Variants in PRAMEF19 observed in about 807,000 individuals in gnomAD.
PRAMEF19 encodes the protein PRAME family member 19.
PRAMEF19 carries 21 observed loss-of-function variants against 33.1 expected under a neutral mutation model. The observed-to-expected ratio is 0.63, with a 90% CI of 0.45 to 0.91. The LOEUF (loss-of-function observed/expected upper bound fraction) is 0.91. PRAMEF19 is among the 40% of genes least tolerant of loss of function. The pLI, the probability that PRAMEF19 is intolerant of heterozygous loss-of-function variation, is 0.00. For missense variants in PRAMEF19, 481 were observed against 585.2 expected, an observed-to-expected ratio of 0.82 and a Z score of 1.84; for synonymous variants, 179 against 229.3, an observed-to-expected ratio of 0.78 and a Z score of 1.98.
chr1:13,369,921 G>T (rs1640650716), intron 2 of PRAMEF19, among the ~76,000 whole-genome samples: 1 of 151,196 alleles, frequency 6.6e-6, no homozygotes, highest in Admixed American at 6.6e-5. Flanking sequence ...TCATCTCTGG[G>T]CCACAGGAGC....
exon 2 of PRAMEF19, chr1:13,371,026 A>G: frequency 6.2e-7 from 1 of 1,611,942 alleles, no homozygotes; most frequent in Admixed American, 1.7e-5. Flanking sequence ...AGAAGCTCAG[A>G]TCTTCATCCA....
chr1:13,370,812 G>C, exon 2 of PRAMEF19: 1 of 1,613,928 alleles, frequency 6.2e-7, no homozygotes, highest in East Asian at 2.2e-5. Flanking sequence ...AAGAGTTTTC[G>C]AAGATTCTTC....
exon 3 of PRAMEF19, chr1:13,369,462 C>T (rs1274212825): frequency 3.7e-6 from 6 of 1,613,844 alleles, no homozygotes; most frequent in Admixed American, 1.7e-5. Context: ...TGAAGAGTGG[C>T]AGCAACTTTC....
At chr1:13,369,565 G>T in exon 3 of PRAMEF19, 1 of 1,613,922 alleles carries the variant, frequency 6.2e-7, no homozygotes, top group Non-Finnish European at 8.5e-7. Flanking sequence ...TTGGGTACCA[G>T]GGCAGACATT....
Position 13,371,596 on chromosome 1 carries a change from C to A in PRAMEF19, c.287+18G>T. The A allele has an allele frequency of 6.2e-7, 1 of 1,610,884 alleles. No homozygotes were observed. Among genetic ancestry groups the A allele is most frequent in the South Asian group, 1.1e-5 (1 of 90,940 alleles). ...TAGTCCCTGGACACCTGGGCCCTCC[C>A]CACCTGGGTCACCTCACCTGGGGCG... On this transcript the variant is annotated intron_variant, in intron 1 of 2. Coordinates refer to ENST00000376101, the Ensembl canonical transcript of PRAMEF19.
exon 1 of PRAMEF19, chr1:13,371,685 C>G (rs1228276160): frequency 1.2e-6 from 2 of 1,610,380 alleles, no homozygotes; most frequent in East Asian, 4.5e-5. Context: ...CCAGATCAGG[C>G]GTCTTCATCA....
chr1:13,371,018 A>C, exon 2 of PRAMEF19: 3 of 1,612,000 alleles, frequency 1.9e-6, no homozygotes, highest in Non-Finnish European at 2.5e-6. Flanking sequence ...CCCAGAGAAG[A>C]AGCTCAGATC....
chr1:13,370,402 C>T (rs1431147477), intron 2 of PRAMEF19, among the ~76,000 whole-genome samples: 1 of 152,022 alleles, frequency 6.6e-6, no homozygotes, highest in Non-Finnish European at 1.5e-5. Context: ...CTGAACCCCC[C>T]ACTAACCAGC....
chr1:13,369,609 A>C (rs1374344703), exon 3 of PRAMEF19: 190 of 1,613,846 alleles, frequency 1.2e-4, no homozygotes, highest in Non-Finnish European at 1.5e-4. Context: ...CCATAAGTTA[A>C]TGCCAATGTC....
At chr1:13,370,777 C>T in exon 2 of PRAMEF19, 2 of 1,613,946 alleles carry the variant, frequency 1.2e-6, no homozygotes, top group Admixed American at 3.3e-5. Context: ...CAAAGCTTGG[C>T]AGGTAACCAC....
exon 3 of PRAMEF19, chr1:13,369,120 A>T (rs1234887253): frequency 6.2e-7 from 1 of 1,611,916 alleles, no homozygotes; most frequent in Non-Finnish European, 8.5e-7. Context: ...TCAGTGGGTG[A>T]CATGCCACAG....
chr1:13,370,128 A>G (rs1240730703), intron 2 of PRAMEF19, among the ~76,000 whole-genome samples: 1 of 152,254 alleles, frequency 6.6e-6, no homozygotes, highest in Non-Finnish European at 1.5e-5. Context: ...CTGGAGTTCA[A>G]AACAACCTTT....
chr1:13,371,153 G>T, exon 2 of PRAMEF19: 1 of 1,612,330 alleles, frequency 6.2e-7, no homozygotes, highest in Non-Finnish European at 8.5e-7. Flanking sequence ...GCAGGACAGG[G>T]GCCTGGCTCC....
At chr1:13,371,828 T>C (rs1481325498) in exon 1 of PRAMEF19, 34 of 1,611,806 alleles carry the variant, frequency 2.1e-5, no homozygotes, top group Admixed American at 1.0e-4. Context: ...AGGACGGAGA[T>C]GGCCAAGGCC....
exon 2 of PRAMEF19, chr1:13,371,009 C>G: frequency 6.2e-7 from 1 of 1,612,024 alleles, no homozygotes; most frequent in East Asian, 2.2e-5. Context: ...CTGCACCCAC[C>G]CAGAGAAGAA....
intron 2 of PRAMEF19, among the ~76,000 whole-genome samples, chr1:13,370,447 C>A (rs1465991436): frequency 6.6e-6 from 1 of 152,076 alleles, no homozygotes; most frequent in African/African-American, 2.4e-5. Context: ...AGCGTCTATG[C>A]CAGGTCATCC....
chr1:13,371,598 A>C lies in PRAMEF19; in HGVS notation c.287+16T>G. On this transcript the variant is annotated intron_variant, in intron 1 of 2. Coordinates refer to ENST00000376101, the Ensembl canonical transcript of PRAMEF19. Reference sequence around the variant, plus strand: ...GTCCCTGGACACCTGGGCCCTCCCCACCTGGGTCACCTCACCTGGGGCGAA... The same window carrying C: ...GTCCCTGGACACCTGGGCCCTCCCCCCCTGGGTCACCTCACCTGGGGCGAA... The C allele has an allele frequency of 6.2e-7, 1 of 1,610,592 alleles. No homozygotes were observed. The highest frequency in any genetic ancestry group is 2.2e-5 in the East Asian group (1 of 44,706).
At chr1:13,370,563 G>A in intron 2 of PRAMEF19, 86 bp downstream of exon 2, 1 of 1,539,138 alleles carries the variant, frequency 6.5e-7, no homozygotes, top group South Asian at 1.1e-5. Flanking sequence ...CCAGTGGCTG[G>A]CACACAGTAG....
downstream of PRAMEF19, among the ~76,000 whole-genome samples, chr1:13,368,759 G>T (rs759175302): frequency 4.0e-5 from 6 of 151,714 alleles, no homozygotes; most frequent in African/African-American, 7.3e-5. Context: ...GTTTTTTTGT[G>T]TTTTTTTTCC....
Sources: allele counts gnomAD v4.1 joint callset (sites outside exome capture counted in the v4.1 genomes callset), GRCh38; gene constraint gnomAD v4.1.1; transcripts MANE v1.5; gene names NCBI Gene and HGNC (gene_info 2026-07-23, HGNC 2026-07-21).